The following CENPQ variants were observed in gnomAD, a reference collection of about 807,000 sequenced individuals.
CENPQ encodes the protein chromosome 6 open reading frame 139.
In CENPQ, 27 loss-of-function variants were observed where a neutral mutation model predicts 36.6. The ratio of observed to expected loss-of-function variants is 0.74; its 90% CI spans 0.54 to 1.02. CENPQ has a LOEUF of 1.02. CENPQ is among the 50% of genes least tolerant of loss of function. The pLI is 0.00. For missense variants in CENPQ, 306 were observed against 301.8 expected (o/e 1.01, Z -0.10); for synonymous variants, 101 against 101.7 (o/e 0.99, Z 0.04).
chr6:49,485,740 T>C (rs1365471770), intron 6 of CENPQ, among the ~76,000 whole-genome samples: 1 of 151,846 alleles, frequency 6.6e-6, no homozygotes, highest in African/African-American at 2.4e-5. Flanking sequence ...ATAATGCTTA[T>C]GGTAAATAGA....
rs11335563 is a variant in CENPQ at position 49,493,056 on chromosome 6, GTT to G, written c.*797_*798del. On this transcript the variant is annotated 3_prime_UTR_variant, in exon 9 of 9. Transcript: ENST00000335783. ...AACAAACTACAGTATACTGTCTTGG[GTT>G]TTTTTTTTTTTTTTTAGTCTGTAAA... 115 of 142,028 alleles carry G rather than the reference GTT, an allele frequency of 8.1e-4. No individual in the cohort carries two copies. Among genetic ancestry groups the G allele is most frequent in the South Asian group, 2.2e-3 (10 of 4,504 alleles). The allele number at this position is 142,028 out of a possible 1,614,324, so 8.8% of individuals were successfully genotyped here.
chr6:49,477,510 A>G (rs1226968320), intron 5 of CENPQ, among the ~76,000 whole-genome samples: 1 of 151,916 alleles, frequency 6.6e-6, no homozygotes. Context: ...GCACATGTAT[A>G]CATATGTAAC....
At chr6:49,485,305 A>G (rs1001035108) in intron 6 of CENPQ, among the ~76,000 whole-genome samples, 3 of 152,202 alleles carry the variant, frequency 2.0e-5, no homozygotes, top group Non-Finnish European at 2.9e-5. Flanking sequence ...TCACTCAGTA[A>G]TGGTGCTGGG....
At chr6:49,465,307 C>T (rs1767975509) in intron 1 of CENPQ, among the ~76,000 whole-genome samples, 1 of 152,160 alleles carries the variant, frequency 6.6e-6, no homozygotes, top group African/African-American at 2.4e-5. Context: ...TTTGTTCTTC[C>T]ATTTCCAGAG....
intron 8 of CENPQ, among the ~76,000 whole-genome samples, chr6:49,489,844 T>G (rs1768675562): frequency 6.6e-6 from 1 of 152,244 alleles, no homozygotes; most frequent in African/African-American, 2.4e-5. Flanking sequence ...AATCTTCTTT[T>G]CTGAGCAGTA....
chr6:49,472,217 G>T, intron 4 of CENPQ, 34 bp downstream of exon 4: 1 of 1,552,762 alleles, frequency 6.4e-7, no homozygotes, highest in Non-Finnish European at 8.7e-7. Flanking sequence ...CATTCTTTTG[G>T]TTCCCATTTA....
intron 1 of CENPQ, among the ~76,000 whole-genome samples, chr6:49,464,641 T>G (rs1767953728): frequency 6.6e-6 from 1 of 152,258 alleles, no homozygotes; most frequent in South Asian, 2.1e-4. Context: ...TTGTTGATAT[T>G]TCAAGAATAT....
In CENPQ at chr6:49,488,479, T is replaced by C; in HGVS notation, c.597+8T>C. ...GAGGAGAGAGTAAAACAGGTAATTA[T>C]TTTAAACTGTATTATTGGAATTTGG... On this transcript the variant is annotated splice_region_variant and intron_variant, in intron 7 of 8. Coordinates refer to ENST00000335783, the MANE Select transcript of CENPQ (RefSeq NM_018132.4). The C allele has an allele frequency of 1.2e-5, 20 of 1,609,920 alleles. No individual in the cohort carries two copies. The highest frequency in any genetic ancestry group is 1.7e-5 in the Non-Finnish European group (20 of 1,177,826).
chr6:49,472,425 A>C (rs1171093103), intron 4 of CENPQ, among the ~76,000 whole-genome samples: 1 of 152,144 alleles, frequency 6.6e-6, no homozygotes, highest in Non-Finnish European at 1.5e-5. Flanking sequence ...CTATCAATAA[A>C]ATTTTAATTT....
intron 1 of CENPQ, among the ~76,000 whole-genome samples, chr6:49,468,421 C>T (rs1035189915): frequency 2.0e-5 from 3 of 151,744 alleles, no homozygotes; most frequent in Non-Finnish European, 2.9e-5. Context: ...GGTGAAACCC[C>T]GTCTCTACTA....
At chr6:49,481,575 G>A (rs1478226468) in intron 6 of CENPQ, among the ~76,000 whole-genome samples, 1 of 152,200 alleles carries the variant, frequency 6.6e-6, no homozygotes, top group South Asian at 2.1e-4. Flanking sequence ...AAGGGGACCC[G>A]AGAGGGTTGC....
intron 3 of CENPQ, 27 bp from the exon 4 acceptor site, chr6:49,472,036 C>G (rs369927026): frequency 3.5e-5 from 56 of 1,589,674 alleles, no homozygotes; most frequent in Middle Eastern, 1.7e-4. Context: ...CTAGATTGAT[C>G]AGAGCCTCTT....
Position 49,470,370 on chromosome 6 carries a change from G to C in CENPQ, c.102+92G>C, listed in dbSNP as rs71568479. 21 of 665,904 alleles carry C rather than the reference G, an allele frequency of 3.2e-5. No homozygotes were observed. In the South Asian group the frequency reaches 4.2e-4, roughly 13 times the overall value. 41.2% of individuals were successfully genotyped at this position (665,904 alleles called of 1,614,324 possible). ...TGTAATCCCAGCACTTTGGGAGGCC[G>C]AGGTGGGTGGATCACGAGGTCAGGA... On this transcript the variant is annotated intron_variant, in intron 2 of 8. Transcript: ENST00000335783.
intron 1 of CENPQ, among the ~76,000 whole-genome samples, chr6:49,467,545 A>G (rs1768031982): frequency 6.6e-6 from 1 of 152,244 alleles, no homozygotes; most frequent in Non-Finnish European, 1.5e-5. Context: ...TGGCAAAGAC[A>G]AGGCTAATTA....
At chr6:49,482,668 G>A (rs1186741807) in intron 6 of CENPQ, among the ~76,000 whole-genome samples, 1 of 151,816 alleles carries the variant, frequency 6.6e-6, no homozygotes, top group Non-Finnish European at 1.5e-5. Flanking sequence ...GGCGATTGGC[G>A]ATGGTCTCAC....
At chr6:49,467,193 T>C (rs577358050) in intron 1 of CENPQ, among the ~76,000 whole-genome samples, 1 of 152,364 alleles carries the variant, frequency 6.6e-6, no homozygotes, top group African/African-American at 2.4e-5. Context: ...TAACAGTACT[T>C]CTCAAACTCT....
chr6:49,476,318 TG>T (rs1372039564), intron 5 of CENPQ, among the ~76,000 whole-genome samples: 3 of 152,102 alleles, frequency 2.0e-5, no homozygotes. Context: ...AAACAAGCAA[TG>T]GGGAAAGGAT....
rs759884825 is a variant in CENPQ, at chr6:49,488,455, A to ACTCC, written c.581_582insCTCC (p.Glu194AspfsTer13). 1 of 1,612,932 alleles carries ACTCC rather than the reference A, an allele frequency of 6.2e-7. No homozygotes were observed. The highest frequency in any genetic ancestry group is 8.5e-7 in the Non-Finnish European group (1 of 1,179,240). The stretch of plus-strand genomic sequence containing the variant: ...CTGGCAAGTGAGGTGGAAGAAGAAG[A>ACTCC]GGAGAGAGTAAAACAGGTAATTATT... On this transcript the variant is annotated frameshift_variant, in exon 7 of 9. Transcript: ENST00000335783. LOFTEE classifies it high-confidence loss of function.
intron 5 of CENPQ, among the ~76,000 whole-genome samples, chr6:49,475,092 GAACCATTCCTTCTGA>G (rs1768251574): frequency 1.3e-5 from 2 of 152,134 alleles, no homozygotes; most frequent in Non-Finnish European, 2.9e-5. Flanking sequence ...GGAGGAGCTG[GAACCATTCCTTCTGA>G]AACTATTCCA....
Sources: gnomAD v4.1 joint callset for allele counts (sites outside exome capture counted in the v4.1 genomes callset) on GRCh38, gnomAD v4.1.1 for gene constraint, MANE v1.5 for transcripts, NCBI Gene and HGNC (gene_info 2026-07-23, HGNC 2026-07-21) for gene names.